The following AP4E1 variants were observed in gnomAD, a reference collection of about 807,000 sequenced individuals.
AP4E1 encodes the protein adaptor related protein complex 4 subunit epsilon 1.
Under a neutral mutation model 128.2 loss-of-function variants are expected in AP4E1, and 56 were observed. That is an observed-to-expected ratio of 0.44 (90% CI 0.35 to 0.55). AP4E1 has a LOEUF of 0.55. Among genes scored for constraint, AP4E1 ranks in the 20% least tolerant of loss-of-function variants. AP4E1 has a pLI of 0.00. For synonymous variants in AP4E1, 484 were observed against 473.1 expected (o/e 1.02, Z -0.30); for missense variants, 1,324 against 1,307.7 (o/e 1.01, Z -0.19).
chr15:50,938,025 A>G (rs1405671959), intron 8 of AP4E1, among the ~76,000 whole-genome samples: 1 of 152,184 alleles, frequency 6.6e-6, no homozygotes, highest in Non-Finnish European at 1.5e-5. Context: ...GTAGGTAGAT[A>G]GAAGTACTTT....
rs2064042032 is a variant in AP4E1 at position 50,945,243 on chromosome 15, G to T, written c.1177-2777G>T. On this transcript the variant is annotated intron_variant, in intron 10 of 20. Coordinates refer to ENST00000261842, the MANE Select transcript of AP4E1 (RefSeq NM_007347.5). ...TAATCCTGTATGTTCAATGACCTGG[G>T]GATTTGACAGTGTAAGTAGTGTTAA... 5 of 786,568 alleles carry T rather than the reference G, an allele frequency of 6.4e-6. 1 individual carries two copies. Among genetic ancestry groups the T allele is most frequent in the Middle Eastern group, 4.6e-4 (2 of 4,372 alleles). The allele number at this position is 786,568 out of a possible 1,614,324, so 48.7% of individuals were successfully genotyped here. A position where few individuals can be genotyped will look rare whatever the true frequency, so the allele number is the denominator to read the frequency against.
At chr15:50,918,501 C>T (rs1182132481) in intron 3 of AP4E1, among the ~76,000 whole-genome samples, 1 of 152,082 alleles carries the variant, frequency 6.6e-6, no homozygotes, top group Non-Finnish European at 1.5e-5. Context: ...CCAACTGTTG[C>T]TACATTTTGC....
At chr15:50,930,046 A>G (rs1000248266) in intron 6 of AP4E1, among the ~76,000 whole-genome samples, 7 of 150,108 alleles carry the variant, frequency 4.7e-5, no homozygotes, top group African/African-American at 1.7e-4. Flanking sequence ...TTAATTTTTA[A>G]TTGGCAGGCA....
At chr15:50,964,955 C>CCCCCCCCACACACACA (rs1555459128) in intron 14 of AP4E1, among the ~76,000 whole-genome samples, 1 of 131,370 alleles carries the variant, frequency 7.6e-6, no homozygotes, top group Non-Finnish European at 1.6e-5. Flanking sequence ...CCTCCCCCTA[C>CCCCCCCCACACACACA]CACACACACA....
chr15:50,972,568 C>T lies in AP4E1; in HGVS notation c.1966+4191C>T, dbSNP rs115254025. ...TGGTATTTGTGAGTTTCTCAGTGGC[C>T]CAGGCTGAGTTTGTGGTGATGGTGG... On this transcript the variant is annotated intron_variant, in intron 15 of 20. Transcript: ENST00000261842. 2.1e-3 allele frequency among the ~76,000 whole-genome samples: 326 copies of T among 152,186 alleles called. 2 individuals are homozygous for T. Among genetic ancestry groups the T allele is most frequent in the African/African-American group, 7.6e-3 (316 of 41,508 alleles).
At chr15:50,942,909 A>T (rs1015503145) in intron 10 of AP4E1, among the ~76,000 whole-genome samples, 3 of 152,064 alleles carry the variant, frequency 2.0e-5, no homozygotes, top group African/African-American at 7.2e-5. Flanking sequence ...ATAATTTTAG[A>T]TTCAGGGGAT....
In AP4E1 at chr15:51,001,326, C is replaced by T. The variant is rs375889888; in HGVS notation, c.3253+143C>T. The T allele has an allele frequency of 1.0e-5, 8 of 773,708 alleles. 1 individual carries two copies. The highest frequency in any genetic ancestry group is 1.6e-5 in the Non-Finnish European group (8 of 494,366). The allele number at this position is 773,708 out of a possible 1,614,324, so 47.9% of individuals were successfully genotyped here. The stretch of plus-strand genomic sequence containing the variant: ...CTTTCAGATGAATGTGTTTTTCAGA[C>T]TGTATTAAATAATTTTTTATTGGAA... On this transcript the variant is annotated intron_variant, in intron 20 of 20. Transcript: ENST00000261842.
In AP4E1 at chr15:50,958,628, C is replaced by T. The variant is rs768327410; in HGVS notation, c.1685C>T (p.Thr562Ile). ...TTAATTGCTGCTGTGACCAAATTGA[C>T]ATCTCAGGCGCACTCTTCTAATACA... Reference protein sequence around the residue: ...AWLIAAVTKLTSQAHSSNTVE... With the variant: ...AWLIAAVTKLISQAHSSNTVE... The change falls in exon 14 of 21, where the codon ACA (threonine) becomes ATA (isoleucine). Residue 562 changes from threonine (T) to isoleucine (I), a missense_variant. Physicochemically the swap from Thr to Ile is moderately conservative, Grantham distance 89. Coordinates refer to ENST00000261842, the MANE Select transcript of AP4E1 (RefSeq NM_007347.5). The T allele has an allele frequency of 6.2e-6, 10 of 1,614,164 alleles. No homozygotes were observed. Among genetic ancestry groups the T allele is most frequent in the Non-Finnish European group, 8.5e-6 (10 of 1,180,010 alleles).
intron 14 of AP4E1, among the ~76,000 whole-genome samples, chr15:50,966,817 G>A (rs1375769943): frequency 1.3e-5 from 2 of 152,190 alleles, no homozygotes; most frequent in African/African-American, 4.8e-5. Context: ...GATTACAGGC[G>A]TGAGCCACCA....
At chr15:50,951,527 T>C (rs1349169096) in intron 13 of AP4E1, among the ~76,000 whole-genome samples, 1 of 152,020 alleles carries the variant, frequency 6.6e-6, no homozygotes, top group Non-Finnish European at 1.5e-5. Context: ...TATAGGTGAG[T>C]GTTTCTTTAG....
In AP4E1 at chr15:50,941,578, T is replaced by C. The variant is rs1251001865; in HGVS notation, c.1066+14T>C. Reference sequence around the variant, plus strand: ...TAAAATATTTAGGTAAGATGATTGGTTCTTTTGACAGAAATTACAGAGATA... The same window carrying C: ...TAAAATATTTAGGTAAGATGATTGGCTCTTTTGACAGAAATTACAGAGATA... On this transcript the variant is annotated intron_variant, in intron 9 of 20. Transcript: ENST00000261842. The C allele has an allele frequency of 6.2e-7, 1 of 1,612,826 alleles. No individual in the cohort carries two copies. Among genetic ancestry groups the C allele is most frequent in the Non-Finnish European group, 8.5e-7 (1 of 1,179,472 alleles).
rs1286199025 is a variant in AP4E1, at chr15:50,941,458, T to G, written c.960T>G (p.Cys320Trp). Residue 320 changes from cysteine (C) to tryptophan (W), a missense_variant, in exon 9 of 21, where the codon TGT becomes TGG. By Grantham distance (215) the Cys-to-Trp change is radical. Transcript: ENST00000261842. ...TTTTTCTAGCTATTTTGTTTGAATG[T>G]GTGCATACAGTCTATTCTATTTATC... ...HNVTYAILFE[C>W]VHTVYSIYPK... 1.9e-6 allele frequency: 3 copies of G among 1,612,972 alleles called. No individual in the cohort carries two copies. The highest frequency in any genetic ancestry group is 2.5e-6 in the Non-Finnish European group (3 of 1,179,448).
At chr15:50,974,105 A>G (rs555790994) in intron 15 of AP4E1, among the ~76,000 whole-genome samples, 3 of 151,530 alleles carry the variant, frequency 2.0e-5, no homozygotes, top group Admixed American at 2.0e-4. Context: ...AGCTGGGACT[A>G]CAAGCATGAG....
rs2063529913 is a variant in AP4E1 at position 50,908,864 on chromosome 15, A to G, written c.86A>G (p.Lys29Arg). 2 of 1,609,896 alleles carry G rather than the reference A, an allele frequency of 1.2e-6. No individual in the cohort carries two copies. The highest frequency in any genetic ancestry group is 1.3e-5 in the African/African-American group (1 of 75,028). ...NQPGGGPAAAKASFSSRLGSL... is the reference protein window; with the variant it reads ...NQPGGGPAAARASFSSRLGSL... Reference sequence around the variant, plus strand: ...CCCGGTGGTGGGCCCGCGGCCGCCAAGGCGTCCTTCTCCTCGAGGCTGGGC... The same window carrying G: ...CCCGGTGGTGGGCCCGCGGCCGCCAGGGCGTCCTTCTCCTCGAGGCTGGGC... The change falls in exon 1 of 21, where the codon AAG (lysine) becomes AGG (arginine). Residue 29 changes from lysine to arginine, a missense_variant. Coordinates refer to ENST00000261842, the MANE Select transcript of AP4E1 (RefSeq NM_007347.5).
intron 3 of AP4E1, among the ~76,000 whole-genome samples, chr15:50,919,948 A>G (rs2063676485): frequency 1.3e-5 from 2 of 151,404 alleles, no homozygotes. Flanking sequence ...GTGGTGGTAC[A>G]TGCCTGTATT....
At chr15:50,986,676 T>G (rs2064728407) in intron 16 of AP4E1, among the ~76,000 whole-genome samples, 1 of 152,220 alleles carries the variant, frequency 6.6e-6, no homozygotes, top group Non-Finnish European at 1.5e-5. Context: ...TCATGGTGGA[T>G]AATCTTTTTG....
intron 15 of AP4E1, among the ~76,000 whole-genome samples, chr15:50,978,012 CTGG>C (rs767633407): frequency 2.3e-4 from 35 of 152,126 alleles, no homozygotes; most frequent in Non-Finnish European, 4.4e-4. Flanking sequence ...CCAGCCTGTT[CTGG>C]TACTAATCTG....
chr15:50,996,639 T>C (rs2064878718), intron 17 of AP4E1, among the ~76,000 whole-genome samples: 1 of 152,074 alleles, frequency 6.6e-6, no homozygotes, highest in Non-Finnish European at 1.5e-5. Context: ...CTGCACTGAT[T>C]CTAAATAGAA....
intron 15 of AP4E1, among the ~76,000 whole-genome samples, chr15:50,983,625 A>G (rs1385524212): frequency 6.6e-6 from 1 of 152,208 alleles, no homozygotes; most frequent in South Asian, 2.1e-4. Context: ...TGGTACGAGA[A>G]TGTACCCAGG....
Sources: gnomAD v4.1 joint callset for allele counts (sites outside exome capture counted in the v4.1 genomes callset) on GRCh38, gnomAD v4.1.1 for gene constraint, MANE v1.5 for transcripts, NCBI Gene and HGNC (gene_info 2026-07-23, HGNC 2026-07-21) for gene names.